Variants in TRPC4 observed in about 807,000 individuals in gnomAD.
TRPC4 encodes the protein short transient receptor potential channel 4.
Under a neutral mutation model 99.4 loss-of-function variants are expected in TRPC4, and 49 were observed. The ratio of observed to expected loss-of-function variants is 0.49; its 90% confidence interval spans 0.39 to 0.63. TRPC4 has a LOEUF of 0.63. Ranked by LOEUF, TRPC4 falls within the 20% of genes least tolerant of loss-of-function variation. The pLI is 0.00. For missense variants in TRPC4, 898 were observed against 1,152.9 expected (o/e 0.78, Z 3.20); for synonymous variants, 454 against 425.9 (o/e 1.07, Z -0.81).
intron 10 of TRPC4, 68 bp from the exon 11 acceptor site, chr13:37,637,693 C>T (rs1237259351): frequency 2.1e-6 from 3 of 1,435,300 alleles, no homozygotes; most frequent in East Asian, 4.6e-5. Flanking sequence ...TTTCTCGTCT[C>T]ATATATGGGT....
At position 37,663,715 on chromosome 13, in the gene TRPC4, A is replaced by C. The variant is rs1952537370; in HGVS notation, c.1389T>G (p.Asn463Lys). 1 of 1,613,564 alleles carries C rather than the reference A, an allele frequency of 6.2e-7. No individual in the cohort carries two copies. The highest frequency in any genetic ancestry group is 8.5e-7 in the Non-Finnish European group (1 of 1,179,822). ...IVAFVKYSAL[N>K]PRESWDMWHP... ...GCCACATGTCCCATGATTCTCGTGG[A>C]TTAAGGGCACTGTACTGGAAAAAAC... The change falls in exon 6 of 11, where the codon AAT (asparagine) becomes AAG (lysine). Residue 463 changes from asparagine (N) to lysine (K), a missense_variant. By Grantham distance (94) the Asn-to-Lys change is moderately conservative. This residue lies in a region of TRPC4 where 274 missense variants were observed against 454.9 expected (regional missense o/e 0.60). Coordinates refer to ENST00000379705, the MANE Select transcript of TRPC4 (RefSeq NM_016179.4).
intron 3 of TRPC4, among the ~76,000 whole-genome samples, chr13:37,698,263 C>A (rs568982327): frequency 6.9e-6 from 1 of 144,344 alleles, no homozygotes; most frequent in African/African-American, 2.6e-5. Flanking sequence ...CGGGTTCTTG[C>A]CATTCTCCTG....
At chr13:37,640,573 A>G (rs368955259) in intron 8 of TRPC4, among the ~76,000 whole-genome samples, 2 of 152,280 alleles carry the variant, frequency 1.3e-5, no homozygotes, top group East Asian at 1.9e-4. Flanking sequence ...AAATAGGATT[A>G]AGTTATTAAT....
In TRPC4 at chr13:37,866,201, G is replaced by T. The variant is rs1593347699; in HGVS notation, c.-28+3394C>A. 2.0e-5 allele frequency among the ~76,000 whole-genome samples: 3 copies of T among 151,766 alleles called. No homozygotes were observed. The South Asian group carries it at 6.2e-4, about 31-fold the overall frequency. On this transcript the variant is annotated intron_variant, in intron 1 of 10. Transcript: ENST00000379705. The stretch of plus-strand genomic sequence containing the variant: ...TATCAAGGCATATTTTTAAATTAAT[G>T]TTTTAATTAACATTTCTAATTTTAT...
At chr13:37,827,637 C>A (rs1339475175) in intron 1 of TRPC4, among the ~76,000 whole-genome samples, 2 of 152,186 alleles carry the variant, frequency 1.3e-5, no homozygotes, top group African/African-American at 4.8e-5. Flanking sequence ...ATTCTCAGAT[C>A]TCCAGCTGCG....
At chr13:37,807,456 T>C (rs1176542701) in intron 1 of TRPC4, among the ~76,000 whole-genome samples, 2 of 152,080 alleles carry the variant, frequency 1.3e-5, no homozygotes, top group Admixed American at 6.6e-5. Context: ...GTTGCTTAAT[T>C]TAGTTGAAAA....
At chr13:37,718,668 TA>T (rs1223933272) in intron 3 of TRPC4, among the ~76,000 whole-genome samples, 1 of 151,938 alleles carries the variant, frequency 6.6e-6, no homozygotes, top group Non-Finnish European at 1.5e-5. Context: ...AACAGCAGAA[TA>T]GATATGACAG....
In TRPC4 at chr13:37,741,909, C is replaced by A. The variant is rs1023377085; in HGVS notation, c.897+4028G>T. 9.7e-5 allele frequency among the ~76,000 whole-genome samples: 14 copies of A among 143,622 alleles called. 1 individual carries two copies. The highest frequency in any genetic ancestry group is 8.6e-4 in the Admixed American group (12 of 13,992). 94.2% of individuals were successfully genotyped at this position (143,622 alleles called of 152,430 possible). A position where few individuals can be genotyped will look rare whatever the true frequency, so the allele number is the denominator to read the frequency against. On this transcript the variant is annotated intron_variant, in intron 3 of 10. Transcript: ENST00000379705. ...CAGAGTAACACTGCACATTATATAA[C>A]CCTCTGTGACTCCGATTTTTTCATG...
intron 1 of TRPC4, among the ~76,000 whole-genome samples, chr13:37,805,836 T>C (rs1171550949): frequency 6.6e-6 from 1 of 152,054 alleles, no homozygotes; most frequent in Non-Finnish European, 1.5e-5. Flanking sequence ...TTTCAATTAG[T>C]TTCTATGTAA....
In TRPC4 at chr13:37,819,335, C is replaced by G. The variant is rs570964956; in HGVS notation, c.-27-35975G>C. Among the ~76,000 whole-genome samples, 6 of 152,144 alleles carry G rather than the reference C, an allele frequency of 3.9e-5. No homozygotes were observed. In the South Asian group the frequency reaches 1.0e-3, roughly 26 times the overall value. On this transcript the variant is annotated intron_variant, in intron 1 of 10. Transcript: ENST00000379705. ...CAACAATCCCATTACTGGGTATATA[C>G]TCAAAGGAATACATATTATTCTAAT... is the stretch of plus-strand genomic sequence containing the variant.
In TRPC4 at chr13:37,783,491, GT is replaced by G. The variant is rs113002348; in HGVS notation, c.-27-132del. On this transcript the variant is annotated intron_variant, in intron 1 of 10. Coordinates refer to ENST00000379705, the MANE Select transcript of TRPC4 (RefSeq NM_016179.4). ...TTATTAGTAACTATTAAGAGTTAAG[GT>G]TTTTTTTTTTCTTCAACAATATAAA... 1.8e-3 allele frequency: 944 copies of G among 538,576 alleles called. 2 individuals carry two copies. Among genetic ancestry groups the G allele is most frequent in the African/African-American group, 6.0e-3 (298 of 49,758 alleles). 33.4% of individuals were successfully genotyped at this position (538,576 alleles called of 1,614,324 possible). A position where few individuals can be genotyped will look rare whatever the true frequency, so the allele number is the denominator to read the frequency against.
chr13:37,720,770 A>G (rs1954843770), intron 3 of TRPC4, among the ~76,000 whole-genome samples: 1 of 152,060 alleles, frequency 6.6e-6, no homozygotes, highest in Non-Finnish European at 1.5e-5. Flanking sequence ...CAGGAGTTTC[A>G]CTTGGGTACA....
chr13:37,741,283 A>T (rs1267181398), intron 3 of TRPC4, among the ~76,000 whole-genome samples: 1 of 152,216 alleles, frequency 6.6e-6, no homozygotes, highest in Non-Finnish European at 1.5e-5. Context: ...AAGAGGAATG[A>T]CTACATGGAA....
intron 7 of TRPC4, among the ~76,000 whole-genome samples, chr13:37,653,881 A>G (rs538321077): frequency 6.2e-4 from 94 of 152,208 alleles, no homozygotes; most frequent in Non-Finnish European, 1.2e-3. Context: ...ACATTTTGGA[A>G]ATATGTTGAT....
intron 5 of TRPC4, among the ~76,000 whole-genome samples, chr13:37,668,933 A>G (rs1952744108): frequency 6.6e-6 from 1 of 152,184 alleles, no homozygotes; most frequent in Non-Finnish European, 1.5e-5. Context: ...TTCTGATTAA[A>G]CAACTAAGAT....
At chr13:37,679,799 C>G (rs968584687) in intron 4 of TRPC4, among the ~76,000 whole-genome samples, 1 of 152,154 alleles carries the variant, frequency 6.6e-6, no homozygotes, top group African/African-American at 2.4e-5. Flanking sequence ...TTTACTACCT[C>G]CATATTGGAG....
In TRPC4 at chr13:37,783,169, A is replaced by T. The variant is rs530615779; in HGVS notation, c.165T>A (p.Ala55=). The change falls in exon 2 of 11, where the codon GCT becomes GCA. Residue 55 remains alanine, a synonymous_variant. Coordinates refer to ENST00000379705, the MANE Select transcript of TRPC4 (RefSeq NM_016179.4). ...TAATATTGATTTTAAAATAAATTTC[A>T]GCTTCCTCTAGGGATTTCTTGACAC... ...YASVKKSLEE[A]EIYFKININC... 1.2e-6 allele frequency: 2 copies of T among 1,613,648 alleles called. No individual in the cohort carries two copies. The highest frequency in any genetic ancestry group is 2.7e-5 in the African/African-American group (2 of 75,038).
At chr13:37,686,155 T>C (rs1156495937) in intron 4 of TRPC4, among the ~76,000 whole-genome samples, 3 of 152,078 alleles carry the variant, frequency 2.0e-5, no homozygotes, top group African/African-American at 7.2e-5. Flanking sequence ...TGTTTGGAGC[T>C]GCTTGAGGGG....
At chr13:37,840,852 C>A (rs1270608713) in intron 1 of TRPC4, among the ~76,000 whole-genome samples, 1 of 151,804 alleles carries the variant, frequency 6.6e-6, no homozygotes, top group African/African-American at 2.4e-5. Flanking sequence ...CTAAAATAAC[C>A]ATATTAATAT....
Sources: gnomAD v4.1 joint callset for allele counts (sites outside exome capture counted in the v4.1 genomes callset) on GRCh38, gnomAD v4.1.1 for gene constraint, gnomAD v4.1.1 regional missense constraint, MANE v1.5 for transcripts, NCBI Gene and HGNC (gene_info 2026-07-23, HGNC 2026-07-21) for gene names.